The following SCUBE2 variants were observed in gnomAD, a reference collection of about 807,000 sequenced individuals.
SCUBE2 encodes the protein signal peptide, CUB and EGF-like domain-containing protein 2.
SCUBE2 carries 114 observed loss-of-function variants against 125.9 expected under a neutral mutation model. The ratio of observed to expected loss-of-function variants is 0.91; its 90% CI spans 0.78 to 1.06. The LOEUF is 1.06. Ranked by LOEUF, SCUBE2 falls within the 50% of genes least tolerant of loss-of-function variation. SCUBE2 has a pLI of 0.00. For missense variants in SCUBE2, 1,255 were observed against 1,301.8 expected (o/e 0.96, Z 0.55); for synonymous variants, 459 against 492.9 (o/e 0.93, Z 0.91).
chr11:9,053,701 C>T lies in SCUBE2; in HGVS notation c.1266G>A (p.Val422=), dbSNP rs1332601812. ...GGTGGCACTGGCATTCATAGCTGCCCACTGTGTTCACACAGACCTGCTGAC... is the reference window on the plus strand; with the variant it reads ...GGTGGCACTGGCATTCATAGCTGCCTACTGTGTTCACACAGACCTGCTGAC... ...GGCQQVCVNT[V]GSYECQCHPG... is the part of the protein sequence containing the mutation. Residue 422 remains valine (V), a synonymous_variant, in exon 11 of 23, where the codon GTG becomes GTA. Transcript: ENST00000649792. The T allele has an allele frequency of 6.2e-7, 1 of 1,614,162 alleles. No homozygotes were observed. Among genetic ancestry groups the T allele is most frequent in the Non-Finnish European group, 8.5e-7 (1 of 1,180,016 alleles).
intron 16 of SCUBE2, among the ~76,000 whole-genome samples, chr11:9,043,719 T>C (rs7125458): frequency 0.73 from 111,657 of 151,954 alleles, 41,287 homozygotes; most frequent in East Asian, 0.89. Context: ...TATAGATGTT[T>C]TCAGAAGAAG....
At chr11:9,035,673 A>G (rs891224497) in intron 16 of SCUBE2, among the ~76,000 whole-genome samples, 2 of 152,218 alleles carry the variant, frequency 1.3e-5, no homozygotes, top group African/African-American at 4.8e-5. Flanking sequence ...CTCTGTTATA[A>G]GAAATAAAAA....
At chr11:9,021,799 A>G in intron 22 of SCUBE2, 77 bp downstream of exon 22, 1 of 1,073,072 alleles carries the variant, frequency 9.3e-7, no homozygotes, top group South Asian at 1.3e-5. Flanking sequence ...AACAAGGAGC[A>G]GGAGGAGAAG....
At chr11:9,084,292 G>GTAT (rs975184512) in intron 2 of SCUBE2, among the ~76,000 whole-genome samples, 6 of 152,170 alleles carry the variant, frequency 3.9e-5, no homozygotes, top group Non-Finnish European at 7.3e-5. Flanking sequence ...GTACATAGTG[G>GTAT]TATAAATTAA....
intron 16 of SCUBE2, among the ~76,000 whole-genome samples, chr11:9,045,145 T>C (rs910215996): frequency 3.3e-5 from 5 of 152,192 alleles, no homozygotes; most frequent in African/African-American, 1.2e-4. Context: ...ATATCTAGAA[T>C]GGTACCTGGC....
chr11:9,048,184 T>A, intron 14 of SCUBE2, 86 bp from the exon 15 acceptor site: 1 of 1,343,250 alleles, frequency 7.4e-7, no homozygotes, highest in Non-Finnish European at 1.0e-6. Flanking sequence ...AACATTTCAT[T>A]AAAACAACTC....
At chr11:9,060,774 C>T (rs537291359) in intron 7 of SCUBE2, among the ~76,000 whole-genome samples, 21 of 152,318 alleles carry the variant, frequency 1.4e-4, no homozygotes, top group Admixed American at 4.6e-4. Flanking sequence ...AGCCACTCCC[C>T]CTACTGGCAA....
rs1268896232 is a variant in SCUBE2, at chr11:9,021,074, CTT to C, written c.3056_3057del (p.Lys1019SerfsTer57). 6.2e-7 allele frequency: 1 copy of C among 1,613,604 alleles called. No individual in the cohort carries two copies. The highest frequency in any genetic ancestry group is 2.2e-5 in the East Asian group (1 of 44,874). Reference protein sequence around the residue: ...PRSFIRLLRSKVSRFLRPYK With the variant: ...PRSFIRLLRSXVSRFLRPYK The stretch of plus-strand genomic sequence containing the variant: ...TTGTAAGGTCTCAAAAACCTGGACA[CTT>C]TGGAACGTAGCAATCGGATGAACGA... On this transcript the variant is annotated frameshift_variant, in exon 23 of 23. Coordinates refer to ENST00000649792, the MANE Select transcript of SCUBE2 (RefSeq NM_001367977.2). LOFTEE classifies it high-confidence loss of function.
At chr11:9,033,824 G>C in intron 16 of SCUBE2, 28 bp from the exon 17 acceptor site, 2 of 1,611,452 alleles carry the variant, frequency 1.2e-6, no homozygotes. Flanking sequence ...AACCTGGTCA[G>C]TGTGGACACA....
At chr11:9,084,001 C>G (rs1194143732) in intron 2 of SCUBE2, among the ~76,000 whole-genome samples, 1 of 152,114 alleles carries the variant, frequency 6.6e-6, no homozygotes, top group Non-Finnish European at 1.5e-5. Context: ...AATGATGACA[C>G]CCTAGTAGCA....
chr11:9,071,657 A>T (rs1372782393), intron 4 of SCUBE2, among the ~76,000 whole-genome samples: 1 of 152,206 alleles, frequency 6.6e-6, no homozygotes, highest in Non-Finnish European at 1.5e-5. Flanking sequence ...GAAATCCCCC[A>T]TTCTGGTGCA....
intron 21 of SCUBE2, among the ~76,000 whole-genome samples, chr11:9,022,271 T>G (rs1855368137): frequency 6.6e-6 from 1 of 152,172 alleles, no homozygotes; most frequent in African/African-American, 2.4e-5. Context: ...ATTGTTCTAG[T>G]AATTCTGCTC....
chr11:9,060,012 G>A (rs1859501814), intron 8 of SCUBE2, among the ~76,000 whole-genome samples: 3 of 152,186 alleles, frequency 2.0e-5, no homozygotes, highest in South Asian at 4.1e-4. Flanking sequence ...TAATGGTACA[G>A]TTATTCATTA....
intron 20 of SCUBE2, chr11:9,026,931 A>T: frequency 5.6e-6 from 1 of 179,402 alleles, no homozygotes; most frequent in Non-Finnish European, 1.2e-5. Context: ...ACTGCCCATA[A>T]GCTGTGTTGA....
At chr11:9,068,697 C>T (rs950692272) in intron 5 of SCUBE2, among the ~76,000 whole-genome samples, 1 of 152,216 alleles carries the variant, frequency 6.6e-6, no homozygotes, top group African/African-American at 2.4e-5. Flanking sequence ...GCCACTCACT[C>T]CCTGTGTGAC....
chr11:9,033,975 C>A (rs1015109028), intron 16 of SCUBE2, among the ~76,000 whole-genome samples, 179 bp from the exon 17 acceptor site: 1 of 152,050 alleles, frequency 6.6e-6, no homozygotes, highest in Non-Finnish European at 1.5e-5. Flanking sequence ...ACAGCTTGAT[C>A]CTCATTGCCC....
intron 15 of SCUBE2, 137 bp from the exon 16 acceptor site, chr11:9,047,699 A>C: frequency 1.0e-6 from 1 of 979,616 alleles, no homozygotes; most frequent in South Asian, 1.5e-5. Context: ...GGGGGCACCT[A>C]GCAGGCTGGG....
chr11:9,062,747 T>C (rs1859803123), intron 7 of SCUBE2, among the ~76,000 whole-genome samples: 1 of 150,798 alleles, frequency 6.6e-6, no homozygotes, highest in Non-Finnish European at 1.5e-5. Flanking sequence ...ACGAAAACTT[T>C]ATCCTGTGCA....
intron 6 of SCUBE2, 46 bp downstream of exon 6, chr11:9,066,651 G>A (rs1860262802): frequency 6.8e-7 from 1 of 1,480,640 alleles, no homozygotes; most frequent in Non-Finnish European, 9.4e-7. Context: ...GGTAGGGACA[G>A]GCAGGCTGGT....
Sources: gnomAD v4.1 joint callset for allele counts (sites outside exome capture counted in the v4.1 genomes callset) on GRCh38, gnomAD v4.1.1 for gene constraint, MANE v1.5 for transcripts, NCBI Gene and HGNC (gene_info 2026-07-23, HGNC 2026-07-21) for gene names.